The following LARP1 variants were observed in gnomAD, a reference collection of about 807,000 sequenced individuals.
LARP1 encodes the protein la-related protein 1.
Under a neutral mutation model 122.7 loss-of-function variants are expected in LARP1, and 36 were observed. The observed-to-expected ratio is 0.29, with a 90% confidence interval of 0.22 to 0.39. LARP1 has a LOEUF of 0.39. Ranked by LOEUF, LARP1 falls within the 10% of genes least tolerant of loss-of-function variation. LARP1 has a pLI of 1.00. For missense variants in LARP1, 1,040 were observed against 1,403.6 expected (o/e 0.74, Z 4.14); for synonymous variants, 539 against 528.7 (o/e 1.02, Z -0.27).
chr5:154,727,335 A>G (rs1169048134), intron 1 of LARP1, among the ~76,000 whole-genome samples: 6 of 152,226 alleles, frequency 3.9e-5, no homozygotes, highest in African/African-American at 9.7e-5. Context: ...ATAAGGGGAA[A>G]TTTTTGAAGG....
Position 154,808,499 on chromosome 5 carries a change from C to T in LARP1, c.2739C>T (p.Asn913=), listed in dbSNP as rs1388227310. 1.2e-6 allele frequency: 2 copies of T among 1,613,806 alleles called. No individual in the cohort carries two copies. The highest frequency in any genetic ancestry group is 3.3e-5 in the Admixed American group (2 of 60,004). Residue 913 remains asparagine (N), a synonymous_variant, in exon 16 of 19, where the codon AAC becomes AAT. Transcript: ENST00000518297. ...GCATTGGCCAGTCTCAGGAGATGAACACACTCTTCCGCTTCTGGTCCTTCT... is the reference window on the plus strand; with the variant it reads ...GCATTGGCCAGTCTCAGGAGATGAATACACTCTTCCGCTTCTGGTCCTTCT... ...RLGIGQSQEM[N]TLFRFWSFFL...
At chr5:154,773,619 A>G (rs1289084773) in intron 1 of LARP1, among the ~76,000 whole-genome samples, 1 of 152,240 alleles carries the variant, frequency 6.6e-6, no homozygotes, top group Non-Finnish European at 1.5e-5. Flanking sequence ...TATTTAAAAC[A>G]CAAGCACCCT....
intron 1 of LARP1, among the ~76,000 whole-genome samples, chr5:154,773,725 T>C (rs1755630761): frequency 6.6e-6 from 1 of 152,228 alleles, no homozygotes; most frequent in African/African-American, 2.4e-5. Flanking sequence ...AGGAAACTAA[T>C]GGAGGGTGGG....
chr5:154,711,792 C>T (rs984861512), upstream of LARP1, among the ~76,000 whole-genome samples: 12 of 152,156 alleles, frequency 7.9e-5, no homozygotes, highest in African/African-American at 1.9e-4. Context: ...GTTCTCCAAA[C>T]GTACCTGCTT....
intron 1 of LARP1, among the ~76,000 whole-genome samples, chr5:154,762,239 A>G (rs1051704831): frequency 6.6e-6 from 1 of 152,148 alleles, no homozygotes; most frequent in African/African-American, 2.4e-5. Context: ...GCAAGACTCC[A>G]TCTCAAAACA....
chr5:154,814,225 C>T lies in LARP1; in HGVS notation c.*129C>T. The T allele has an allele frequency of 1.1e-6, 1 of 929,868 alleles. No homozygotes were observed. The highest frequency in any genetic ancestry group is 1.6e-5 in the South Asian group (1 of 62,068). 57.6% of individuals were successfully genotyped at this position (929,868 alleles called of 1,614,324 possible). ...GGAGTTACTAGGACAGGCCTTTGTG[C>T]TGAGTAGCAATGTATACACCATTTG... On this transcript the variant is annotated 3_prime_UTR_variant, in exon 19 of 19. Coordinates refer to ENST00000518297, the MANE Select transcript of LARP1 (RefSeq NM_033551.3).
rs1278179805 is a variant in LARP1 at position 154,739,166 on chromosome 5, C to T, written c.205+26036C>T. Among the ~76,000 whole-genome samples, 3 of 151,880 alleles carry T rather than the reference C, an allele frequency of 2.0e-5. No homozygotes were observed. In the Admixed American group the frequency reaches 2.0e-4, roughly 10 times the overall value. ...AAGTAGCTGGGACTACAGGCACCCG[C>T]CAACACGCCCAGCTAATTTTTTGTA... On this transcript the variant is annotated intron_variant, in intron 1 of 18. Transcript: ENST00000336314.
chr5:154,703,655 C>T (rs924863230), intron 1 of LARP1, among the ~76,000 whole-genome samples: 2 of 152,192 alleles, frequency 1.3e-5, no homozygotes, highest in African/African-American at 4.8e-5. Flanking sequence ...GAATCTTGCT[C>T]TGTCTCCCAG....
At chr5:154,727,884 A>G (rs1332225879) in intron 1 of LARP1, among the ~76,000 whole-genome samples, 4 of 152,146 alleles carry the variant, frequency 2.6e-5, no homozygotes, top group Non-Finnish European at 4.4e-5. Flanking sequence ...CCTGACCAAC[A>G]TGGCAAAACC....
intron 1 of LARP1, among the ~76,000 whole-genome samples, chr5:154,761,571 A>T (rs1754449618): frequency 1.3e-5 from 2 of 152,218 alleles, no homozygotes; most frequent in Middle Eastern, 3.4e-3. Flanking sequence ...GCTCAAAGGG[A>T]GTAATTAGGG....
At chr5:154,700,656 C>A (rs1582159528) in intron 1 of LARP1, among the ~76,000 whole-genome samples, 2 of 152,156 alleles carry the variant, frequency 1.3e-5, no homozygotes, top group Middle Eastern at 6.8e-3. Context: ...CAGGGTCTCG[C>A]TCTATCACCC....
chr5:154,739,579 T>C (rs1191953738), intron 1 of LARP1, among the ~76,000 whole-genome samples: 1 of 152,132 alleles, frequency 6.6e-6, no homozygotes, highest in African/African-American at 2.4e-5. Context: ...AATTTTTTTT[T>C]GTAGACACAG....
intron 1 of LARP1, among the ~76,000 whole-genome samples, chr5:154,687,787 C>T (rs1424041323): frequency 6.6e-6 from 1 of 151,980 alleles, no homozygotes; most frequent in Non-Finnish European, 1.5e-5. Context: ...CAGGATAACA[C>T]GAGAGAACCT....
At chr5:154,710,540 G>A (rs1755164424), upstream of LARP1, among the ~76,000 whole-genome samples, 1 of 151,884 alleles carries the variant, frequency 6.6e-6, no homozygotes, top group African/African-American at 2.4e-5. Context: ...TCAGGAGTTC[G>A]AGACCAGCCT....
intron 1 of LARP1, among the ~76,000 whole-genome samples, chr5:154,773,550 G>A (rs1755616816): frequency 6.6e-6 from 1 of 152,160 alleles, no homozygotes; most frequent in South Asian, 2.1e-4. Flanking sequence ...GCACTGTGCT[G>A]GGGGAAGCAG....
At chr5:154,795,374 C>A in intron 8 of LARP1, 55 bp downstream of exon 8, 1 of 1,579,786 alleles carries the variant, frequency 6.3e-7, no homozygotes, top group African/African-American at 1.4e-5. Flanking sequence ...CCTTAGGGAG[C>A]TGGAGTTTGG....
chr5:154,787,406 G>A (rs1408724920), intron 1 of LARP1, among the ~76,000 whole-genome samples: 2 of 152,194 alleles, frequency 1.3e-5, no homozygotes, highest in African/African-American at 4.8e-5. Flanking sequence ...GTGTGTGCTT[G>A]TGTGTACCTG....
At chr5:154,728,947 C>G (rs752955863) in intron 1 of LARP1, among the ~76,000 whole-genome samples, 1 of 152,166 alleles carries the variant, frequency 6.6e-6, no homozygotes, top group Non-Finnish European at 1.5e-5. Flanking sequence ...GAAATGGGCC[C>G]TCTCAGGTGC....
intron 1 of LARP1, among the ~76,000 whole-genome samples, chr5:154,723,561 G>A (rs558232519): frequency 1.4e-4 from 22 of 152,262 alleles, no homozygotes; most frequent in African/African-American, 5.3e-4. Context: ...TCTAGTTCTG[G>A]CTGTACCACT....
Sources: gnomAD v4.1 joint callset for allele counts (sites outside exome capture counted in the v4.1 genomes callset) on GRCh38, gnomAD v4.1.1 for gene constraint, MANE v1.5 for transcripts, NCBI Gene and HGNC (gene_info 2026-07-23, HGNC 2026-07-21) for gene names.